MELK: variants seen among roughly 807,000 people sequenced by gnomAD.
MELK encodes the protein pEg3 kinase.
Under a neutral mutation model 85.0 loss-of-function variants are expected in MELK, and 81 were observed. That is an observed-to-expected ratio of 0.95 (90% CI 0.80 to 1.15). MELK has a LOEUF of 1.15. Ranked by LOEUF, MELK falls within the 50% of genes most tolerant of loss-of-function variation. The probability of loss-of-function intolerance (pLI) is 0.00; values close to 1 mark genes in which losing one functional copy is unlikely to be tolerated. For synonymous variants in MELK, 252 were observed against 265.0 expected (o/e 0.95, Z 0.48); for missense variants, 754 against 777.5 (o/e 0.97, Z 0.36).
rs1826658793 is a variant in MELK, at chr9:36,615,738, C to T, written c.666+8065C>T. ...GATGGGGCGGCGGGGCAGAGGCGCT[C>T]CCCACATCTCAGACGATGGGCGGCT... is the stretch of plus-strand genomic sequence containing the variant. On this transcript the variant is annotated intron_variant, in intron 8 of 17. Coordinates refer to ENST00000298048, the MANE Select transcript of MELK (RefSeq NM_014791.4). 4.0e-5 allele frequency among the ~76,000 whole-genome samples: 6 copies of T among 148,660 alleles called. No individual in the cohort carries two copies. The South Asian group carries it at 1.3e-3, about 32-fold the overall frequency.
chr9:36,638,924 G>A (rs890410013), intron 10 of MELK, among the ~76,000 whole-genome samples: 5 of 152,170 alleles, frequency 3.3e-5, no homozygotes, highest in African/African-American at 1.2e-4. Flanking sequence ...GAAGGGTTCT[G>A]GAATGGAATG....
At chr9:36,645,118 C>T (rs1830108641) in intron 11 of MELK, among the ~76,000 whole-genome samples, 1 of 151,692 alleles carries the variant, frequency 6.6e-6, no homozygotes, top group Non-Finnish European at 1.5e-5. Flanking sequence ...ATTAGCCGGG[C>T]GTGGTGGCAC....
At chr9:36,625,263 T>C (rs185757844) in intron 8 of MELK, among the ~76,000 whole-genome samples, 4 of 152,222 alleles carry the variant, frequency 2.6e-5, no homozygotes, top group African/African-American at 9.6e-5. Flanking sequence ...TCCAAGCTGA[T>C]CTCCACTCTC....
intron 1 of MELK, among the ~76,000 whole-genome samples, chr9:36,577,845 G>T (rs1015617841): frequency 6.6e-6 from 1 of 151,466 alleles, no homozygotes; most frequent in African/African-American, 2.4e-5. Context: ...TAGAGACGGG[G>T]TTTCTCCATG....
chr9:36,642,070 C>T (rs1829807399), intron 10 of MELK, among the ~76,000 whole-genome samples: 1 of 152,126 alleles, frequency 6.6e-6, no homozygotes, highest in African/African-American at 2.4e-5. Flanking sequence ...ATTTCCAGCC[C>T]TACCTTTAGT....
intron 10 of MELK, 104 bp downstream of exon 10, chr9:36,633,304 T>A: frequency 1.3e-6 from 1 of 778,898 alleles, no homozygotes; most frequent in Non-Finnish European, 2.0e-6. Flanking sequence ...GAAAATATAT[T>A]AATCAGATTG....
In MELK at chr9:36,677,369, G is replaced by T. The variant is rs1205531918; in HGVS notation, c.*32G>T. ...GATTCTTCCATCCTGCCGGATGAGT[G>T]TGGGTGTGATACAGCCTACATAAAG... On this transcript the variant is annotated 3_prime_UTR_variant, in exon 18 of 18. Coordinates refer to ENST00000298048, the MANE Select transcript of MELK (RefSeq NM_014791.4). The T allele has an allele frequency of 1.3e-6, 2 of 1,584,652 alleles. No individual in the cohort carries two copies. Among genetic ancestry groups the T allele is most frequent in the Non-Finnish European group, 1.7e-6 (2 of 1,162,434 alleles).
intron 8 of MELK, among the ~76,000 whole-genome samples, chr9:36,626,935 G>T (rs1290736567): frequency 2.0e-5 from 3 of 149,366 alleles, no homozygotes; most frequent in Middle Eastern, 6.9e-3. Context: ...TCCAGCCTGG[G>T]CAACAAGAGT....
At chr9:36,667,291 G>T (rs1163227881) in intron 14 of MELK, among the ~76,000 whole-genome samples, 1 of 151,996 alleles carries the variant, frequency 6.6e-6, no homozygotes, top group Non-Finnish European at 1.5e-5. Context: ...TAGTAGCTGG[G>T]ATTACAGGCG....
chr9:36,668,069 AC>A, intron 14 of MELK, among the ~76,000 whole-genome samples: 1 of 152,184 alleles, frequency 6.6e-6, no homozygotes, highest in Middle Eastern at 3.4e-3. Flanking sequence ...CCATGCCCAG[AC>A]CTGCATTTTA....
chr9:36,643,511 C>T (rs184077046), intron 11 of MELK, among the ~76,000 whole-genome samples: 1 of 152,156 alleles, frequency 6.6e-6, no homozygotes, highest in East Asian at 1.9e-4. Context: ...ATTATGGGTA[C>T]AAATATTGCA....
chr9:36,622,266 G>T (rs182534003), intron 8 of MELK, among the ~76,000 whole-genome samples: 1 of 152,066 alleles, frequency 6.6e-6, no homozygotes, highest in Non-Finnish European at 1.5e-5. Flanking sequence ...GTTCCGAGTC[G>T]CAGTGTAATA....
chr9:36,642,150 TCTTA>T (rs1425964023), intron 10 of MELK, among the ~76,000 whole-genome samples: 1 of 152,148 alleles, frequency 6.6e-6, no homozygotes, highest in Non-Finnish European at 1.5e-5. Flanking sequence ...GTATAGAGGC[TCTTA>T]CTTATATTCT....
intron 17 of MELK, 78 bp downstream of exon 17, chr9:36,675,015 G>T (rs906251761): frequency 4.7e-5 from 48 of 1,026,518 alleles, no homozygotes; most frequent in Non-Finnish European, 1.8e-5. Flanking sequence ...GTTGGGCGCG[G>T]TGGCTCACGC....
At chr9:36,655,533 T>C (rs1463420076) in intron 12 of MELK, among the ~76,000 whole-genome samples, 1 of 151,628 alleles carries the variant, frequency 6.6e-6, no homozygotes, top group Non-Finnish European at 1.5e-5. Flanking sequence ...AACCTGAAAA[T>C]GCACATCAGA....
intron 15 of MELK, among the ~76,000 whole-genome samples, chr9:36,670,597 G>A (rs4878654): frequency 0.9 from 136,423 of 151,168 alleles, 61,608 homozygotes; most frequent in East Asian, 0.92. Context: ...ATATATCAGT[G>A]TATATCTATA....
intron 6 of MELK, 94 bp from the exon 7 acceptor site, chr9:36,599,300 C>CAAAA (rs34715003): frequency 7.4e-4 from 279 of 379,092 alleles, no homozygotes; most frequent in Admixed American, 1.0e-3. Context: ...GACTCCGTCT[C>CAAAA]AAAAAAAAAA....
At chr9:36,596,375 C>G (rs1294598553) in intron 5 of MELK, among the ~76,000 whole-genome samples, 1 of 151,996 alleles carries the variant, frequency 6.6e-6, no homozygotes. Flanking sequence ...CCTGCCTCAG[C>G]CTCCTGAGTA....
chr9:36,651,822 G>A lies in MELK; in HGVS notation c.998G>A (p.Arg333Lys), dbSNP rs34655121. Residue 333 changes from arginine to lysine, a missense_variant, in exon 12 of 18, where the codon AGG becomes AAG. Transcript: ENST00000298048. ...KKARGKPVRL[R>K]LSSFSCGQAS... ...GCTCGGGGAAAACCAGTTCGTTTAA[G>A]GCTTTCTTCTTTCTCCTGTGGACAA... The A allele has an allele frequency of 5.4e-3, 8,764 of 1,613,856 alleles. 441 individuals are homozygous for A. In the African/African-American group the frequency reaches 0.1, roughly 19 times the overall value.
Sources: gnomAD v4.1 joint callset for allele counts (sites outside exome capture counted in the v4.1 genomes callset) on GRCh38, gnomAD v4.1.1 for gene constraint, MANE v1.5 for transcripts, NCBI Gene and HGNC (gene_info 2026-07-23, HGNC 2026-07-21) for gene names.